Variants in NF2 observed in about 807,000 individuals in gnomAD.
NF2 encodes the protein NF2, moesin-ezrin-radixin like (MERLIN) tumor suppressor, also known as merlin.
NF2 carries 8 observed loss-of-function variants against 83.7 expected under a neutral mutation model. The observed-to-expected ratio is 0.10, with a 90% CI of 0.06 to 0.17. The LOEUF (loss-of-function observed/expected upper bound fraction) is 0.17, where lower values mean the gene tolerates loss of function less well. Ranked by LOEUF, NF2 falls within the 10% of genes least tolerant of loss-of-function variation. The pLI is 1.00. For synonymous variants in NF2, 266 were observed against 269.6 expected (o/e 0.99, Z 0.13); for missense variants, 533 against 744.4 (o/e 0.72, Z 3.31).
chr22:29,608,839 AAGAT>A (rs1184934652), intron 1 of NF2: 2 of 389,220 alleles, frequency 5.1e-6, no homozygotes, highest in Non-Finnish European at 4.8e-6. Context: ...ATAACAAGTA[AAGAT>A]ATTAAATTAG....
At chr22:29,637,290 A>T (rs2065674650) in intron 2 of NF2, among the ~76,000 whole-genome samples, 1 of 152,214 alleles carries the variant, frequency 6.6e-6, no homozygotes, top group Non-Finnish European at 1.5e-5. Flanking sequence ...TTTTTGAGGA[A>T]CACCATAGTC....
chr22:29,660,022 T>G (rs2066431070), intron 7 of NF2, among the ~76,000 whole-genome samples: 1 of 152,214 alleles, frequency 6.6e-6, no homozygotes, highest in African/African-American at 2.4e-5. Flanking sequence ...CCTTCTCAGT[T>G]TGCAGACCTG....
intron 3 of NF2, among the ~76,000 whole-genome samples, chr22:29,639,546 C>T (rs1003423596): frequency 7.2e-5 from 11 of 152,140 alleles, no homozygotes; most frequent in African/African-American, 2.4e-4. Flanking sequence ...AAGAGAGAGT[C>T]TTATAAAGCA....
At position 29,628,972 on chromosome 22, in the gene NF2, T is replaced by C. The variant is rs190243409; in HGVS notation, c.115-7779T>C. ...CTTGCCCAGATTTAAATGAAGGATG[T>C]GGGGTTCAGGATTGGTACAGCAGAG... On this transcript the variant is annotated intron_variant, in intron 1 of 15. Transcript: ENST00000338641. Among the ~76,000 whole-genome samples the C allele has an allele frequency of 4.7e-4, 71 of 152,198 alleles. 1 individual carries two copies. Among genetic ancestry groups the C allele is most frequent in the African/African-American group, 1.7e-3 (70 of 41,520 alleles).
At chr22:29,611,483 C>T (rs1401905799) in intron 1 of NF2, among the ~76,000 whole-genome samples, 1 of 152,098 alleles carries the variant, frequency 6.6e-6, no homozygotes, top group Non-Finnish European at 1.5e-5. Context: ...GCTGAGATAG[C>T]ACTACTGCAC....
chr22:29,655,251 G>A (rs1273684096), intron 5 of NF2, among the ~76,000 whole-genome samples: 5 of 152,086 alleles, frequency 3.3e-5, no homozygotes, highest in African/African-American at 9.7e-5. Context: ...CCTGTCCCTC[G>A]ATGGCTTCTG....
rs534459154 is a variant in NF2 at position 29,609,004 on chromosome 22, C to T, written c.114+4892C>T. 3.1e-5 allele frequency: 21 copies of T among 673,188 alleles called. 1 individual carries two copies. The highest frequency in any genetic ancestry group is 2.1e-4 in the South Asian group (13 of 61,656). The allele number at this position is 673,188 out of a possible 1,614,324, so 41.7% of individuals were successfully genotyped here. On this transcript the variant is annotated intron_variant, in intron 1 of 15. Transcript: ENST00000338641. ...AGACTCTGGGGTCGATTATCTCCAC[C>T]GGAATGTAATGGATGAACATGCATG...
intron 1 of NF2, among the ~76,000 whole-genome samples, chr22:29,631,021 A>G (rs1035727324): frequency 1.4e-4 from 21 of 152,202 alleles, no homozygotes; most frequent in African/African-American, 5.1e-4. Context: ...CCCCACAGGT[A>G]TTGTTGCAGG....
chr22:29,617,478 C>T lies in NF2; in HGVS notation c.114+13366C>T, dbSNP rs368100381. Among the ~76,000 whole-genome samples the T allele has an allele frequency of 2.0e-5, 3 of 152,044 alleles. No homozygotes were observed. The East Asian group carries it at 5.8e-4, about 29-fold the overall frequency. On this transcript the variant is annotated intron_variant, in intron 1 of 15. Coordinates refer to ENST00000338641, the MANE Select transcript of NF2 (RefSeq NM_000268.4). Reference sequence around the variant, plus strand: ...CTAGATGCCAGTAGCATTCCCCCACCCCATCCCAGTTGTTGTGACAACCAA... The same window carrying T: ...CTAGATGCCAGTAGCATTCCCCCACTCCATCCCAGTTGTTGTGACAACCAA...
intron 15 of NF2, chr22:29,682,887 C>G: frequency 3.7e-6 from 4 of 1,085,960 alleles, no homozygotes; most frequent in Non-Finnish European, 5.6e-6. Context: ...GACCCCGTTC[C>G]AAGCCATTAA....
intron 1 of NF2, among the ~76,000 whole-genome samples, chr22:29,628,650 T>C (rs1446068222): frequency 1.0e-5 from 1 of 100,194 alleles, no homozygotes; most frequent in East Asian, 3.0e-4. Context: ...TTTTTTTTTT[T>C]GAGATAGTCT....
In NF2 at chr22:29,694,885, A is replaced by G. The variant is rs1485195858; in HGVS notation, c.*83A>G. The G allele has an allele frequency of 6.3e-6, 9 of 1,435,876 alleles. No individual in the cohort carries two copies. The highest frequency in any genetic ancestry group is 8.7e-6 in the Non-Finnish European group (9 of 1,036,848). The allele number at this position is 1,435,876 out of a possible 1,614,324, so 88.9% of individuals were successfully genotyped here. ...GGACCAGATATCAAGAGAGCCATCC[A>G]TAGGGAGCTGGCTGGGGGTTTCCGT... On this transcript the variant is annotated 3_prime_UTR_variant, in exon 16 of 16. Coordinates refer to ENST00000338641, the MANE Select transcript of NF2 (RefSeq NM_000268.4). This position sits in a 1 kb window ranked among gnomAD's most constrained non-coding sequence, Gnocchi z 4.1.
intron 1 of NF2, among the ~76,000 whole-genome samples, chr22:29,621,550 C>G (rs1163222723): frequency 6.6e-6 from 1 of 151,994 alleles, no homozygotes; most frequent in African/African-American, 2.4e-5. Context: ...ACCTGTGGTC[C>G]TAGCATCTCG....
intron 1 of NF2, among the ~76,000 whole-genome samples, chr22:29,612,912 A>C (rs1569265680): frequency 1.3e-5 from 2 of 151,822 alleles, no homozygotes; most frequent in Non-Finnish European, 2.9e-5. Context: ...CCTGGCCAAC[A>C]TGGAGAAACC....
Position 29,649,067 on chromosome 22 carries a change from ATC to A in NF2, c.448-5584_448-5583del, listed in dbSNP as rs1033878110. 7.9e-5 allele frequency among the ~76,000 whole-genome samples: 12 copies of A among 152,332 alleles called. No homozygotes were observed. In the East Asian group the frequency reaches 2.1e-3, roughly 27 times the overall value. Reference sequence around the variant, plus strand: ...GCATCTTTGGGCATATATGGATAATATCTCTCTATAATAGATATCAAGACATG... The same window carrying A: ...GCATCTTTGGGCATATATGGATAATATCTCTATAATAGATATCAAGACATG... On this transcript the variant is annotated intron_variant, in intron 4 of 15. Transcript: ENST00000338641.
intron 1 of NF2, among the ~76,000 whole-genome samples, chr22:29,605,151 A>AT (rs34646924): frequency 3.7e-4 from 38 of 101,866 alleles, no homozygotes; most frequent in South Asian, 1.1e-3. Flanking sequence ...CACCTGGCTA[A>AT]TTTTTTTTTT....
chr22:29,639,883 A>C (rs1043051770), intron 3 of NF2, among the ~76,000 whole-genome samples: 2 of 106,098 alleles, frequency 1.9e-5, no homozygotes, highest in Admixed American at 8.6e-5. Context: ...TTCCGTCTCA[A>C]AAAAAAAAAA....
At chr22:29,648,743 G>A (rs1370431966) in intron 4 of NF2, among the ~76,000 whole-genome samples, 5 of 152,116 alleles carry the variant, frequency 3.3e-5, no homozygotes, top group South Asian at 4.1e-4. Context: ...CAGCCTCAGC[G>A]TATGCCCTGC....
intron 10 of NF2, among the ~76,000 whole-genome samples, chr22:29,670,054 A>C (rs2066735588): frequency 6.6e-6 from 1 of 151,994 alleles, no homozygotes. Flanking sequence ...GCTGGAGTGC[A>C]GTGGTGCCAT....
Sources: allele counts gnomAD v4.1 joint callset (sites outside exome capture counted in the v4.1 genomes callset), GRCh38; gene constraint gnomAD v4.1.1; non-coding constraint Gnocchi (gnomAD v3.1); transcripts MANE v1.5; gene names NCBI Gene and HGNC (gene_info 2026-07-23, HGNC 2026-07-21).